PTPRD: variants seen among roughly 807,000 people sequenced by gnomAD.
PTPRD encodes receptor-type tyrosine-protein phosphatase delta.
A neutral mutation model predicts 214.5 loss-of-function variants in PTPRD; 34 were observed. That is an observed-to-expected ratio of 0.16 (90% confidence interval 0.12 to 0.21). The LOEUF is 0.21. PTPRD is among the 10% of genes least tolerant of loss of function. The pLI, the probability that PTPRD is intolerant of heterozygous loss-of-function variation, is 1.00. For missense variants in PTPRD, 2,545 were observed against 2,398.7 expected, an observed-to-expected ratio of 1.06 and a Z score of -1.27; for synonymous variants, 1,128 against 845.7, an observed-to-expected ratio of 1.33 and a Z score of -5.79.
At chr9:9,934,640 C>A (rs1423810878) in intron 5 of PTPRD, among the ~76,000 whole-genome samples, 1 of 149,802 alleles carries the variant, frequency 6.7e-6, no homozygotes. Context: ...TGAATTCTCG[C>A]AGAGGTACAA....
intron 4 of PTPRD, among the ~76,000 whole-genome samples, chr9:10,013,100 C>T (rs768654070): frequency 6.6e-6 from 1 of 151,780 alleles, no homozygotes; most frequent in Non-Finnish European, 1.5e-5. Flanking sequence ...AAATTCAAAG[C>T]CAGTATTATT....
intron 3 of PTPRD, among the ~76,000 whole-genome samples, 153 bp downstream of exon 3, chr9:10,340,810 A>T (rs1450907377): frequency 2.0e-5 from 3 of 152,092 alleles, no homozygotes; most frequent in African/African-American, 7.2e-5. Flanking sequence ...TCCAGGTGGC[A>T]CACCATTAGT....
chr9:9,402,989 ACACC>A (rs112821938), intron 8 of PTPRD, among the ~76,000 whole-genome samples: 142 of 120,954 alleles, frequency 1.2e-3, no homozygotes, highest in African/African-American at 2.3e-3. Flanking sequence ...AAAAAAAAAA[ACACC>A]AAAAAAAAAT....
At chr9:10,057,915 G>A (rs1390268167) in intron 3 of PTPRD, among the ~76,000 whole-genome samples, 1 of 151,986 alleles carries the variant, frequency 6.6e-6, no homozygotes, top group Non-Finnish European at 1.5e-5. Flanking sequence ...CACACCACTG[G>A]CTCATGACAG....
chr9:9,394,816 T>A (rs1184730913), intron 9 of PTPRD, among the ~76,000 whole-genome samples: 1 of 152,116 alleles, frequency 6.6e-6, no homozygotes, highest in Non-Finnish European at 1.5e-5. Flanking sequence ...CATTTTTGAT[T>A]AAAATCATCT....
chr9:10,596,660 A>T (rs2076687508), intron 2 of PTPRD, among the ~76,000 whole-genome samples: 1 of 151,654 alleles, frequency 6.6e-6, no homozygotes, highest in South Asian at 2.1e-4. Context: ...GTAATGATAA[A>T]CATCCCTAAG....
At chr9:8,612,586 G>A (rs546212244) in intron 14 of PTPRD, among the ~76,000 whole-genome samples, 4 of 152,302 alleles carry the variant, frequency 2.6e-5, no homozygotes, top group South Asian at 2.1e-4. Context: ...GAAGAAGCAA[G>A]ACAGAAGAAT....
chr9:8,521,153 T>C (rs1294061415), intron 20 of PTPRD, 124 bp downstream of exon 20: 2 of 1,156,058 alleles, frequency 1.7e-6, no homozygotes, highest in East Asian at 2.5e-5. Flanking sequence ...ATGATTAGGT[T>C]ATACACACAT....
At chr9:8,607,379 G>A (rs186017035) in intron 14 of PTPRD, among the ~76,000 whole-genome samples, 11 of 152,170 alleles carry the variant, frequency 7.2e-5, no homozygotes, top group Admixed American at 3.9e-4. Context: ...GTGCGGTGCC[G>A]CATGCCTGTA....
At chr9:9,208,642 A>T (rs1383452505) in intron 9 of PTPRD, among the ~76,000 whole-genome samples, 1 of 152,076 alleles carries the variant, frequency 6.6e-6, no homozygotes, top group African/African-American at 2.4e-5. Context: ...TCTTAAGTGA[A>T]CCAATTAGTA....
chr9:8,500,715 G>A (rs2097383615), intron 24 of PTPRD, 39 bp downstream of exon 24: 17 of 1,599,078 alleles, frequency 1.1e-5, no homozygotes, highest in Non-Finnish European at 1.5e-5. Context: ...TCAAGACTGT[G>A]TCAGAAGGGT....
chr9:9,560,886 A>C (rs1424560006), intron 8 of PTPRD, among the ~76,000 whole-genome samples: 1 of 151,972 alleles, frequency 6.6e-6, no homozygotes, highest in Non-Finnish European at 1.5e-5. Flanking sequence ...CCTTGCCTTC[A>C]TGGTCAGTAG....
At chr9:9,955,510 T>C (rs1210040272) in intron 4 of PTPRD, among the ~76,000 whole-genome samples, 1 of 146,362 alleles carries the variant, frequency 6.8e-6, no homozygotes, top group African/African-American at 2.6e-5. Flanking sequence ...TCGTTTTTTT[T>C]GTTTTGTTTT....
At chr9:8,654,382 C>T (rs78287849) in intron 12 of PTPRD, among the ~76,000 whole-genome samples, 3 of 152,138 alleles carry the variant, frequency 2.0e-5, no homozygotes. Context: ...GTAGTGGGTA[C>T]TCCTCCGATA....
intron 27 of PTPRD, among the ~76,000 whole-genome samples, chr9:8,491,328 T>G (rs1010664400): frequency 1.1e-4 from 16 of 152,182 alleles, no homozygotes; most frequent in African/African-American, 3.9e-4. Flanking sequence ...TGAGCTAGCC[T>G]TAGTGACGTT....
At chr9:10,579,170 A>G (rs898973464) in intron 2 of PTPRD, among the ~76,000 whole-genome samples, 4 of 152,142 alleles carry the variant, frequency 2.6e-5, no homozygotes, top group Non-Finnish European at 5.9e-5. Context: ...TGTCCTTTGC[A>G]GGTACATAGA....
intron 11 of PTPRD, among the ~76,000 whole-genome samples, chr9:8,917,197 C>T (rs552369545): frequency 4.4e-4 from 66 of 149,698 alleles, no homozygotes; most frequent in Non-Finnish European, 8.6e-4. Flanking sequence ...GGTGTGCTCT[C>T]GGCTCGCTGC....
intron 14 of PTPRD, among the ~76,000 whole-genome samples, chr9:8,557,455 T>TACATACACATAC (rs1554784504): frequency 7.4e-6 from 1 of 135,640 alleles, no homozygotes; most frequent in African/African-American, 3.5e-5. Flanking sequence ...TATATATATA[T>TACATACACATAC]ATTTGGGCCG....
At chr9:8,642,482 C>G (rs2096598221) in intron 12 of PTPRD, among the ~76,000 whole-genome samples, 1 of 152,272 alleles carries the variant, frequency 6.6e-6, no homozygotes, top group African/African-American at 2.4e-5. Context: ...GCAGGTACCC[C>G]TGTCTTTAGC....
Sources: allele counts gnomAD v4.1 joint callset (sites outside exome capture counted in the v4.1 genomes callset), GRCh38; gene constraint gnomAD v4.1.1; transcripts MANE v1.5; gene names NCBI Gene and HGNC (gene_info 2026-07-23, HGNC 2026-07-21).